Variants in SCN2A observed in about 807,000 individuals in gnomAD.
SCN2A encodes the protein sodium channel protein type 2 subunit alpha.
SCN2A carries 20 observed loss-of-function variants against 188.7 expected under a neutral mutation model. The observed-to-expected ratio is 0.11, with a 90% confidence interval of 0.07 to 0.15. The LOEUF is 0.15. Ranked by LOEUF, SCN2A falls within the 10% of genes least tolerant of loss-of-function variation. The pLI is 1.00. For missense variants in SCN2A, 1,278 were observed against 2,445.0 expected (o/e 0.52, Z 10.07); for synonymous variants, 804 against 833.1 (o/e 0.97, Z 0.60).
At chr2:165,341,444 T>C (rs752127901) in intron 14 of SCN2A, among the ~76,000 whole-genome samples, 11 of 152,220 alleles carry the variant, frequency 7.2e-5, no homozygotes, top group Non-Finnish European at 1.5e-4. Context: ...TGTTACTTTC[T>C]ATAAAGAAAC....
At chr2:165,260,105 G>A (rs1367457344) in intron 1 of SCN2A, among the ~76,000 whole-genome samples, 1 of 151,764 alleles carries the variant, frequency 6.6e-6, no homozygotes, top group African/African-American at 2.4e-5. Flanking sequence ...CACCATGCCC[G>A]GCTAATTTTT....
At chr2:165,361,506 C>T (rs757537604) in intron 17 of SCN2A, among the ~76,000 whole-genome samples, 4 of 151,962 alleles carry the variant, frequency 2.6e-5, no homozygotes, top group Non-Finnish European at 4.4e-5. Flanking sequence ...ACCACTGATT[C>T]GCTATAACTT....
chr2:165,368,158 G>A (rs1056104493), intron 19 of SCN2A, among the ~76,000 whole-genome samples: 1 of 152,124 alleles, frequency 6.6e-6, no homozygotes, highest in African/African-American at 2.4e-5. Context: ...AGGAGATGGA[G>A]CAGGAAGGTA....
rs190639791 is a variant in SCN2A at position 165,310,615 on chromosome 2, C to A, written c.970+20C>A. 6.4e-7 allele frequency: 1 copy of A among 1,569,060 alleles called. No individual in the cohort carries two copies. The highest frequency in any genetic ancestry group is 8.7e-7 in the Non-Finnish European group (1 of 1,146,936). ...ATAAAAGTAAGATATACTCTATAAA[C>A]CATTAAGTTGTTTAGTTCTCTAAAT... On this transcript the variant is annotated intron_variant, in intron 7 of 26. Coordinates refer to ENST00000375437, the MANE Select transcript of SCN2A (RefSeq NM_001040142.2).
intron 21 of SCN2A, among the ~76,000 whole-genome samples, 153 bp downstream of exon 21, chr2:165,373,500 A>G (rs778184006): frequency 6.6e-6 from 1 of 152,206 alleles, no homozygotes; most frequent in African/African-American, 2.4e-5. Context: ...CCAGATGCCC[A>G]TAATACTTGG....
In SCN2A at chr2:165,339,321, A is replaced by G. The variant is rs536723151; in HGVS notation, c.2389-2975A>G. 3.9e-5 allele frequency among the ~76,000 whole-genome samples: 6 copies of G among 152,074 alleles called. No homozygotes were observed. In the South Asian group the frequency reaches 1.2e-3, roughly 32 times the overall value. On this transcript the variant is annotated intron_variant, in intron 14 of 26. Transcript: ENST00000375437. ...GTAGTGAATTCTTGCCCCTTAGAAAAATTGAGTGCTTTCCCCTTAACATAG... is the reference window on the plus strand; with the variant it reads ...GTAGTGAATTCTTGCCCCTTAGAAAGATTGAGTGCTTTCCCCTTAACATAG...
At chr2:165,387,687 T>C (rs1268946638) in intron 26 of SCN2A, among the ~76,000 whole-genome samples, 1 of 152,076 alleles carries the variant, frequency 6.6e-6, no homozygotes, top group Non-Finnish European at 1.5e-5. Context: ...AGATATTAAA[T>C]GAGGTACTGG....
rs376160275 is a variant in SCN2A, at chr2:165,332,616, G to A, written c.2388+1048G>A. 3.8e-4 allele frequency among the ~76,000 whole-genome samples: 58 copies of A among 152,096 alleles called. No individual in the cohort carries two copies. The South Asian group carries it at 0.012, about 30-fold the overall frequency. ...TCATAAGCTATGGGCAAAGATCACA[G>A]ACGCTTAGAGTAGGAAAGGATAATA... On this transcript the variant is annotated intron_variant, in intron 14 of 26. Coordinates refer to ENST00000375437, the MANE Select transcript of SCN2A (RefSeq NM_001040142.2).
At chr2:165,256,088 C>T (rs1303281898) in intron 1 of SCN2A, among the ~76,000 whole-genome samples, 1 of 145,954 alleles carries the variant, frequency 6.9e-6, no homozygotes, top group East Asian at 2.1e-4. Flanking sequence ...TCACTACAAC[C>T]TCCGCCTCCC....
At chr2:165,252,273 G>C (rs756028052) in intron 1 of SCN2A, among the ~76,000 whole-genome samples, 18 of 151,860 alleles carry the variant, frequency 1.2e-4, no homozygotes, top group Non-Finnish European at 2.1e-4. Context: ...TTAATACTTT[G>C]GAAAAAGTAT....
intron 23 of SCN2A, 55 bp from the exon 24 acceptor site, chr2:165,380,537 A>G: frequency 7.6e-7 from 1 of 1,320,514 alleles, no homozygotes; most frequent in Non-Finnish European, 1.1e-6. Flanking sequence ...TCACTGATGT[A>G]CTTTTTGTGA....
intron 3 of SCN2A, among the ~76,000 whole-genome samples, chr2:165,298,433 A>G (rs1332369039): frequency 1.3e-5 from 2 of 152,308 alleles, no homozygotes; most frequent in South Asian, 4.1e-4. Context: ...GAAGTGTAAC[A>G]TTCTGTAAAG....
chr2:165,313,496 G>GC, intron 8 of SCN2A, 124 bp from the exon 9 acceptor site: 1 of 1,000,214 alleles, frequency 1.0e-6, no homozygotes, highest in South Asian at 1.3e-5. Context: ...ACTGGGTAAG[G>GC]TGAGAGAAAT....
chr2:165,289,112 A>T (rs895823295), intron 1 of SCN2A, among the ~76,000 whole-genome samples: 2 of 152,020 alleles, frequency 1.3e-5, no homozygotes, highest in African/African-American at 2.4e-5. Flanking sequence ...TTATGTCCTC[A>T]TCTATGAAAT....
intron 10 of SCN2A, among the ~76,000 whole-genome samples, chr2:165,314,676 C>T (rs1169244684): frequency 2.0e-5 from 3 of 152,194 alleles, no homozygotes; most frequent in South Asian, 2.1e-4. Flanking sequence ...CACTCTCTGC[C>T]TCCTACTCTA....
intron 1 of SCN2A, among the ~76,000 whole-genome samples, chr2:165,264,978 A>G (rs1694775679): frequency 6.6e-6 from 1 of 152,068 alleles, no homozygotes; most frequent in Non-Finnish European, 1.5e-5. Flanking sequence ...TCCTTTGGGT[A>G]TATACCTGGT....
At position 165,391,384 on chromosome 2, in the gene SCN2A, T is replaced by C. The variant is rs1456016424; in HGVS notation, c.*1560T>C. 1.3e-5 allele frequency: 2 copies of C among 152,680 alleles called. No individual in the cohort carries two copies. Among genetic ancestry groups the C allele is most frequent in the Middle Eastern group, 3.4e-3 (1 of 294 alleles). The allele number at this position is 152,680 out of a possible 1,614,324, so 9.5% of individuals were successfully genotyped here. ...AAGAAAATATAAATACTGTAAAAAG[T>C]TCATTTTATTTTATTTTTCAGCCTT... is the stretch of plus-strand genomic sequence containing the variant. On this transcript the variant is annotated 3_prime_UTR_variant, in exon 27 of 27. Transcript: ENST00000375437.
chr2:165,371,951 A>G (rs1241828924), intron 20 of SCN2A: 1 of 152,226 alleles, frequency 6.6e-6, no homozygotes, highest in Non-Finnish European at 1.5e-5. Flanking sequence ...CACAAGTCAC[A>G]TAAAACTGAA....
chr2:165,390,104 A>C lies in SCN2A; in HGVS notation c.*280A>C. 2.7e-6 allele frequency: 1 copy of C among 368,208 alleles called. No homozygotes were observed. The highest frequency in any genetic ancestry group is 4.4e-5 in the Admixed American group (1 of 22,676). 22.8% of individuals were successfully genotyped at this position (368,208 alleles called of 1,614,324 possible). ...ATGGCTACTCAGACGATAGGAACCA[A>C]TTTAAAGGGGGGAGGGAAGTTAAAT... On this transcript the variant is annotated 3_prime_UTR_variant, in exon 27 of 27. Coordinates refer to ENST00000375437, the MANE Select transcript of SCN2A (RefSeq NM_001040142.2).
Sources: gnomAD v4.1 joint callset for allele counts (sites outside exome capture counted in the v4.1 genomes callset) on GRCh38, gnomAD v4.1.1 for gene constraint, MANE v1.5 for transcripts, NCBI Gene and HGNC (gene_info 2026-07-23, HGNC 2026-07-21) for gene names.